The following SIN3B variants were observed in gnomAD, a reference collection of about 807,000 sequenced individuals.
SIN3B encodes SIN3 transcription regulator family member B, also known as paired amphipathic helix protein Sin3b.
SIN3B carries 19 observed loss-of-function variants against 120.2 expected under a neutral mutation model. The observed-to-expected ratio is 0.16, with a 90% confidence interval of 0.11 to 0.23. SIN3B has a LOEUF of 0.23. SIN3B is among the 10% of genes least tolerant of loss of function. SIN3B has a pLI of 1.00. For synonymous variants in SIN3B, 654 were observed against 653.2 expected (o/e 1.00, Z -0.02); for missense variants, 1,073 against 1,573.0 (o/e 0.68, Z 5.38).
At chr19:16,833,716 C>A (rs1379353160) in intron 3 of SIN3B, among the ~76,000 whole-genome samples, 1 of 151,292 alleles carries the variant, frequency 6.6e-6, no homozygotes, top group East Asian at 2.0e-4. Flanking sequence ...AGGAGCGAGT[C>A]TCAGGGTTTT....
chr19:16,834,486 G>A (rs961196173), intron 3 of SIN3B, among the ~76,000 whole-genome samples: 2 of 152,146 alleles, frequency 1.3e-5, no homozygotes, highest in Non-Finnish European at 2.9e-5. Context: ...TTGTCTCCCC[G>A]TAGGTGGCTT....
In SIN3B at chr19:16,877,400, T is replaced by A. The variant is rs1599619958; in HGVS notation, c.2860-145T>A. 13 of 630,954 alleles carry A rather than the reference T, an allele frequency of 2.1e-5. No homozygotes were observed. The East Asian group carries it at 3.6e-4, about 17-fold the overall frequency. The allele number at this position is 630,954 out of a possible 1,614,324, so 39.1% of individuals were successfully genotyped here. On this transcript the variant is annotated intron_variant, in intron 16 of 18. Transcript: ENST00000248054. ...AGTCTGTTGGGGTCTCCGTCAGGGA[T>A]CAGAGTCCTCTGCAGCGGCTCTCCT...
Position 16,829,482 on chromosome 19 carries a change from T to G in SIN3B, c.62T>G (p.Leu21Arg). Residue 21 changes from leucine to arginine, a missense_variant, in exon 1 of 19, where the codon CTG (leucine) becomes CGG (arginine). By Grantham distance (102) the Leu-to-Arg change is moderately radical. This residue lies in a region of SIN3B where 395 missense variants were observed against 528.0 expected (regional missense o/e 0.75). Coordinates refer to ENST00000248054, the MANE Select transcript of SIN3B (RefSeq NM_001297595.2). ...SGAGGPAGRGLSGARWGRSGS... is the reference protein window; with the variant it reads ...SGAGGPAGRGRSGARWGRSGS... Reference sequence around the variant, plus strand: ...GCCGGCGGCCCCGCGGGCCGGGGGCTGAGCGGCGCCCGCTGGGGTCGCTCG... The same window carrying G: ...GCCGGCGGCCCCGCGGGCCGGGGGCGGAGCGGCGCCCGCTGGGGTCGCTCG... The G allele has an allele frequency of 8.2e-7, 1 of 1,220,116 alleles. No homozygotes were observed. Among genetic ancestry groups the G allele is most frequent in the Non-Finnish European group, 1.0e-6 (1 of 980,232 alleles). The allele number at this position is 1,220,116 out of a possible 1,614,324, so 75.6% of individuals were successfully genotyped here. A position where few individuals can be genotyped will look rare whatever the true frequency, so the allele number is the denominator to read the frequency against.
At chr19:16,859,854 G>A (rs1309212481) in intron 8 of SIN3B, among the ~76,000 whole-genome samples, 10 of 152,020 alleles carry the variant, frequency 6.6e-5, no homozygotes, top group Admixed American at 6.5e-4. Flanking sequence ...AGCTGGTGTT[G>A]GCACCTGGGT....
At chr19:16,870,428 A>T (rs2051495696) in intron 13 of SIN3B, among the ~76,000 whole-genome samples, 1 of 149,438 alleles carries the variant, frequency 6.7e-6, no homozygotes, top group Non-Finnish European at 1.5e-5. Flanking sequence ...GCTGTTGCGC[A>T]GGCTGGAGTA....
chr19:16,877,246 C>T (rs779514778), intron 16 of SIN3B: 15 of 419,298 alleles, frequency 3.6e-5, no homozygotes, highest in Middle Eastern at 6.4e-4. Flanking sequence ...GTGGGCCGGG[C>T]GGTGCTCCTG....
chr19:16,830,421 T>G (rs376794749), intron 2 of SIN3B, among the ~76,000 whole-genome samples: 3 of 152,224 alleles, frequency 2.0e-5, no homozygotes, highest in African/African-American at 7.2e-5. Flanking sequence ...TTAAAACACA[T>G]GAGATGATTT....
chr19:16,867,091 C>T (rs1599609341), intron 12 of SIN3B, among the ~76,000 whole-genome samples: 3 of 152,282 alleles, frequency 2.0e-5, no homozygotes, highest in Admixed American at 1.3e-4. Flanking sequence ...CCGTCCCTCC[C>T]GTGGGGCAGT....
chr19:16,878,574 G>A lies in SIN3B; in HGVS notation c.3240G>A (p.Thr1080=), dbSNP rs1224921922. Residue 1080 remains threonine (T), a synonymous_variant, in exon 19 of 19, where the codon ACG becomes ACA. Transcript: ENST00000248054. ...GCCGCTGGCTGGAGGACAATGTGAC[G>A]GTGGAGGCGGCTAGCCTGGTGCAGG... The part of the protein sequence containing the change: ...WHSRWLEDNV[T]VEAASLVQDW... 4 of 1,609,504 alleles carry A rather than the reference G, an allele frequency of 2.5e-6. No homozygotes were observed. Among genetic ancestry groups the A allele is most frequent in the African/African-American group, 1.3e-5 (1 of 74,990 alleles).
chr19:16,868,912 G>A (rs988474311), intron 12 of SIN3B, among the ~76,000 whole-genome samples: 2 of 152,204 alleles, frequency 1.3e-5, no homozygotes, highest in African/African-American at 2.4e-5. Flanking sequence ...GTCTTCAGAT[G>A]TGAGCAGTTG....
intron 3 of SIN3B, among the ~76,000 whole-genome samples, chr19:16,833,968 G>T (rs1028068070): frequency 2.0e-5 from 3 of 151,778 alleles, no homozygotes; most frequent in Admixed American, 1.3e-4. Context: ...CCCGTGATTC[G>T]CCCACCTCTG....
Position 16,865,704 on chromosome 19 carries a change from C to T in SIN3B, c.1622+56C>T, listed in dbSNP as rs551993192. The stretch of plus-strand genomic sequence containing the variant: ...CTTCCCCTTCCCCCTTCCCTCCCCT[C>T]CCCTCCCCTCCCCTCCCCACTGCAG... On this transcript the variant is annotated intron_variant, in intron 11 of 18. Coordinates refer to ENST00000248054, the MANE Select transcript of SIN3B (RefSeq NM_001297595.2). The T allele has an allele frequency of 1.4e-5, 15 of 1,049,250 alleles. No individual in the cohort carries two copies. The South Asian group carries it at 2.3e-4, about 16-fold the overall frequency. 65.0% of individuals were successfully genotyped at this position (1,049,250 alleles called of 1,614,324 possible). A position where few individuals can be genotyped will look rare whatever the true frequency, so the allele number is the denominator to read the frequency against.
chr19:16,860,522 C>T (rs1427953044), intron 8 of SIN3B, among the ~76,000 whole-genome samples: 10 of 151,040 alleles, frequency 6.6e-5, no homozygotes, highest in Admixed American at 4.6e-4. Context: ...ATGAGGGGGA[C>T]GTCGTTATGC....
intron 2 of SIN3B, among the ~76,000 whole-genome samples, chr19:16,830,731 TAC>T (rs577464855): frequency 3.1e-4 from 47 of 152,370 alleles, no homozygotes; most frequent in African/African-American, 1.1e-3. Flanking sequence ...CTATTTTTCT[TAC>T]ACCTTTCCCA....
In SIN3B at chr19:16,865,312, C is replaced by T. The variant is rs1294980584; in HGVS notation, c.1384-98C>T. On this transcript the variant is annotated intron_variant, in intron 10 of 18. Coordinates refer to ENST00000248054, the MANE Select transcript of SIN3B (RefSeq NM_001297595.2). ...CTATCTCTTAAATACACACACCCCC[C>T]CCCCAAAAAAATCCTCTGGTCTCTG... 5 of 558,388 alleles carry T rather than the reference C, an allele frequency of 9.0e-6. No individual in the cohort carries two copies. The East Asian group carries it at 1.0e-4, about 11-fold the overall frequency. 34.6% of individuals were successfully genotyped at this position (558,388 alleles called of 1,614,324 possible). A position where few individuals can be genotyped will look rare whatever the true frequency, so the allele number is the denominator to read the frequency against.
chr19:16,853,312 C>T (rs1440735471), intron 7 of SIN3B, among the ~76,000 whole-genome samples, 154 bp downstream of exon 7: 2 of 152,194 alleles, frequency 1.3e-5, no homozygotes, highest in Non-Finnish European at 2.9e-5. Context: ...GCTTTCACTG[C>T]GGAAGGGAAT....
rs376755146 is a variant in SIN3B, at chr19:16,878,200, G to A, written c.2972G>A (p.Arg991His). 85 of 1,577,258 alleles carry A rather than the reference G, an allele frequency of 5.4e-5. No homozygotes were observed. Among genetic ancestry groups the A allele is most frequent in the African/African-American group, 1.2e-4 (9 of 74,014 alleles). The change falls in exon 18 of 19, where the codon CGC becomes CAC. Residue 991 changes from arginine to histidine, a missense_variant. Physicochemically the swap from Arg to His is conservative, Grantham distance 29. This residue lies in a region of SIN3B where 311 missense variants were observed against 400.3 expected (regional missense o/e 0.78). Transcript: ENST00000248054. Reference protein sequence around the residue: ...VFLQRNLKKFRRRWQSEQARA... With the variant: ...VFLQRNLKKFHRRWQSEQARA... ...GCCCCCAGGAACCTCAAGAAGTTCC[G>A]CCGCCGGTGGCAGAGCGAGCAGGCG...
rs1971547225 is a variant in SIN3B at position 16,851,589 on chromosome 19, G to T, written c.849+55G>T. The T allele has an allele frequency of 1.8e-5, 27 of 1,516,968 alleles. 1 individual carries two copies. The South Asian group carries it at 3.4e-4, about 19-fold the overall frequency. 94.0% of individuals were successfully genotyped at this position (1,516,968 alleles called of 1,614,324 possible). ...GCACGCGGGGCCCCCAGCAAATCGGGCCTTCCCAGCATGTGACCAGGGAAC... is the reference window on the plus strand; with the variant it reads ...GCACGCGGGGCCCCCAGCAAATCGGTCCTTCCCAGCATGTGACCAGGGAAC... On this transcript the variant is annotated intron_variant, in intron 6 of 18. Coordinates refer to ENST00000248054, the MANE Select transcript of SIN3B (RefSeq NM_001297595.2).
chr19:16,854,332 G>A, intron 8 of SIN3B, 71 bp downstream of exon 8: 1 of 920,684 alleles, frequency 1.1e-6, no homozygotes, highest in Non-Finnish European at 1.7e-6. Context: ...TTGGTTTTTA[G>A]TTACTGTTTT....
Sources: allele counts gnomAD v4.1 joint callset (sites outside exome capture counted in the v4.1 genomes callset), GRCh38; gene constraint gnomAD v4.1.1; regional missense constraint gnomAD v4.1.1; transcripts MANE v1.5; gene names NCBI Gene and HGNC (gene_info 2026-07-23, HGNC 2026-07-21).